SEC23IP: variants seen among roughly 807,000 people sequenced by gnomAD.
The protein encoded by SEC23IP is SEC23 interacting protein.
Under a neutral mutation model 113.4 loss-of-function variants are expected in SEC23IP, and 70 were observed. The observed-to-expected ratio is 0.62, with a 90% CI of 0.51 to 0.75. The LOEUF (loss-of-function observed/expected upper bound fraction) is 0.75, where lower values mean the gene tolerates loss of function less well. Among genes scored for constraint, SEC23IP ranks in the 30% least tolerant of loss-of-function variants. The pLI is 0.00. For missense variants in SEC23IP, 1,160 were observed against 1,204.9 expected (o/e 0.96, Z 0.55); for synonymous variants, 398 against 421.0 (o/e 0.95, Z 0.67).
At chr10:119,906,609 A>ACT (rs138250924) in intron 4 of SEC23IP, among the ~76,000 whole-genome samples, 8,275 of 152,090 alleles carry the variant, frequency 0.054, 406 homozygotes, top group South Asian at 0.25. Context: ...ACAGGATCTC[A>ACT]CTGTCCCCCA....
intron 10 of SEC23IP, 87 bp downstream of exon 10, chr10:119,918,598 T>TTTTGTTTG (rs112954131): frequency 0.083 from 61,213 of 734,266 alleles, 3,619 homozygotes; most frequent in South Asian, 0.15. Context: ...TTCTTGAAAC[T>TTTTGTTTG]TTTGTTTGTT....
chr10:119,911,311 A>G (rs972275600), intron 5 of SEC23IP, among the ~76,000 whole-genome samples: 1 of 149,880 alleles, frequency 6.7e-6, no homozygotes, highest in Non-Finnish European at 1.5e-5. Flanking sequence ...TTTTGTAGAG[A>G]CAGGGTCTCT....
intron 13 of SEC23IP, 123 bp downstream of exon 13, chr10:119,926,350 AT>A (rs995243319): frequency 9.5e-7 from 1 of 1,053,114 alleles, no homozygotes; most frequent in Non-Finnish European, 1.3e-6. Context: ...GAAAAAACTG[AT>A]TTTCTCTTAG....
In SEC23IP at chr10:119,918,292, CAT is replaced by C. The variant is rs1468593357; in HGVS notation, c.1754-100_1754-99del. The C allele has an allele frequency of 8.0e-6, 6 of 754,664 alleles. No individual in the cohort carries two copies. In the East Asian group the frequency reaches 1.0e-4, roughly 13 times the overall value. 46.7% of individuals were successfully genotyped at this position (754,664 alleles called of 1,614,324 possible). A position where few individuals can be genotyped will look rare whatever the true frequency, so the allele number is the denominator to read the frequency against. ...TAATTAATTATCAGGTCTTGAATAA[CAT>C]GTAACTTCTGTATGACTTTTGACTA... On this transcript the variant is annotated intron_variant, in intron 9 of 18. Coordinates refer to ENST00000369075, the MANE Select transcript of SEC23IP (RefSeq NM_007190.4).
At chr10:119,931,935 TA>T (rs59278266) in intron 15 of SEC23IP, among the ~76,000 whole-genome samples, 197 bp from the exon 16 acceptor site, 48,806 of 148,416 alleles carry the variant, frequency 0.33, 8,207 homozygotes, top group East Asian at 0.55. Flanking sequence ...GTTTAGTCAT[TA>T]AAAAAAAAAG....
chr10:119,902,248 T>A (rs1157433351), intron 2 of SEC23IP, among the ~76,000 whole-genome samples: 5 of 152,010 alleles, frequency 3.3e-5, no homozygotes, highest in Non-Finnish European at 7.4e-5. Context: ...CCCAGCTACT[T>A]GGGAGGCTGA....
chr10:119,931,735 G>T (rs1187101913), intron 15 of SEC23IP, among the ~76,000 whole-genome samples: 1 of 151,838 alleles, frequency 6.6e-6, no homozygotes, highest in East Asian at 1.9e-4. Context: ...TGTATTTTTA[G>T]TAGAGACGGG....
chr10:119,908,028 A>G (rs1448601790), intron 4 of SEC23IP, among the ~76,000 whole-genome samples: 1 of 152,226 alleles, frequency 6.6e-6, no homozygotes, highest in Admixed American at 6.5e-5. Context: ...TAAGTAATCT[A>G]GAGAAGATTT....
Position 119,912,084 on chromosome 10 carries a change from G to A in SEC23IP, c.1232G>A (p.Trp411Ter), listed in dbSNP as rs1264778287. 8.1e-6 allele frequency: 13 copies of A among 1,614,000 alleles called. No individual in the cohort carries two copies. The highest frequency in any genetic ancestry group is 1.3e-5 in the African/African-American group (1 of 75,018). Residue 411 changes from tryptophan to a stop codon, truncating the protein, a stop_gained, in exon 6 of 19, where the codon TGG becomes TAG. Transcript: ENST00000369075. LOFTEE classifies it high-confidence loss of function. ...CAGCCCTCCTCAGTGCCAGATGAAT[G>A]GGGCACCACGCAAGATGGACAGACA... The part of the protein sequence containing the change: ...QFQPSSVPDE[W>*]GTTQDGQTRP...
intron 2 of SEC23IP, 30 bp downstream of exon 2, chr10:119,898,989 A>G: frequency 6.7e-7 from 1 of 1,489,956 alleles, no homozygotes; most frequent in Non-Finnish European, 9.0e-7. Context: ...TGTCCTACTT[A>G]TTCACTCTGT....
At chr10:119,930,245 C>A in intron 14 of SEC23IP, 84 bp from the exon 15 acceptor site, 4 of 651,394 alleles carry the variant, frequency 6.1e-6, no homozygotes, top group Non-Finnish European at 1.0e-5. Flanking sequence ...GCCATGTATC[C>A]ATTTTCTTAC....
intron 4 of SEC23IP, among the ~76,000 whole-genome samples, chr10:119,908,569 G>A (rs1854755935): frequency 6.6e-6 from 1 of 152,192 alleles, no homozygotes; most frequent in Non-Finnish European, 1.5e-5. Context: ...TATGATGATG[G>A]AGGCAAAGGC....
chr10:119,919,330 TA>T, intron 10 of SEC23IP, 113 bp from the exon 11 acceptor site: 1 of 1,006,392 alleles, frequency 9.9e-7, no homozygotes, highest in Non-Finnish European at 1.4e-6. Flanking sequence ...GTACTGTGCC[TA>T]AAATTATGAT....
At chr10:119,893,838 A>G (rs1854184955) in intron 1 of SEC23IP, among the ~76,000 whole-genome samples, 1 of 152,146 alleles carries the variant, frequency 6.6e-6, no homozygotes, top group African/African-American at 2.4e-5. Flanking sequence ...AAGACAATAC[A>G]TCACTTCTTC....
At position 119,898,754 on chromosome 10, in the gene SEC23IP, C is replaced by T; in HGVS notation, c.491C>T (p.Pro164Leu). The T allele has an allele frequency of 6.2e-7, 1 of 1,614,192 alleles. No individual in the cohort carries two copies. Among genetic ancestry groups the T allele is most frequent in the South Asian group, 1.1e-5 (1 of 91,086 alleles). The change falls in exon 2 of 19, where the codon CCT becomes CTT. Residue 164 changes from proline (P) to leucine (L), a missense_variant. By Grantham distance (98) the Pro-to-Leu change is moderately conservative. Transcript: ENST00000369075. ...SYLPSQPSSLPPSYFGNQPQG... is the reference protein window; with the variant it reads ...SYLPSQPSSLLPSYFGNQPQG... Reference sequence around the variant, plus strand: ...CTGCCTTCTCAGCCAAGTAGTCTCCCTCCTTCATATTTTGGGAACCAACCC... The same window carrying T: ...CTGCCTTCTCAGCCAAGTAGTCTCCTTCCTTCATATTTTGGGAACCAACCC...
At position 119,930,389 on chromosome 10, in the gene SEC23IP, G is replaced by A. The variant is rs1855560129; in HGVS notation, c.2530G>A (p.Val844Ile). ...MIVPDLDLKA[V>I]LIPHHKGRKR... ...TGTTCCAGATTTGGACCTAAAAGCT[G>A]TTCTCATTCCACATCACAAAGGCAG... is the stretch of plus-strand genomic sequence containing the variant. The change falls in exon 15 of 19, where the codon GTT becomes ATT. Residue 844 changes from valine (V) to isoleucine (I), a missense_variant. Transcript: ENST00000369075. 6.2e-7 allele frequency: 1 copy of A among 1,612,234 alleles called. No individual in the cohort carries two copies. Among genetic ancestry groups the A allele is most frequent in the Admixed American group, 1.7e-5 (1 of 59,974 alleles).
chr10:119,925,615 C>G (rs1388563422), intron 12 of SEC23IP, among the ~76,000 whole-genome samples: 1 of 152,076 alleles, frequency 6.6e-6, no homozygotes, highest in Non-Finnish European at 1.5e-5. Flanking sequence ...GATCACAGAT[C>G]ACTGCAGCCT....
intron 3 of SEC23IP, 104 bp downstream of exon 3, chr10:119,903,113 TA>T (rs1854552144): frequency 1.1e-6 from 1 of 929,970 alleles, no homozygotes; most frequent in Non-Finnish European, 1.6e-6. Context: ...CCTTAATCCT[TA>T]TAGACCCCAG....
rs1855128290 is a variant in SEC23IP at position 119,918,468 on chromosome 10, T to C, written c.1829T>C (p.Val610Ala). ...TCAAAGTGCCCTGGACCTCTTGCTGTTGCTAATGGAGTTGTGAAGCAGCTA... is the reference window on the plus strand; with the variant it reads ...TCAAAGTGCCCTGGACCTCTTGCTGCTGCTAATGGAGTTGTGAAGCAGCTA... The part of the protein sequence containing the change: ...NLSKCPGPLA[V>A]ANGVVKQLHF... The change falls in exon 10 of 19, where the codon GTT becomes GCT. Residue 610 changes from valine (V) to alanine (A), a missense_variant. Coordinates refer to ENST00000369075, the MANE Select transcript of SEC23IP (RefSeq NM_007190.4). 6.2e-7 allele frequency: 1 copy of C among 1,613,778 alleles called. No individual in the cohort carries two copies. Among genetic ancestry groups the C allele is most frequent in the African/African-American group, 1.3e-5 (1 of 75,046 alleles).
Sources: gnomAD v4.1 joint callset for allele counts (sites outside exome capture counted in the v4.1 genomes callset) on GRCh38, gnomAD v4.1.1 for gene constraint, MANE v1.5 for transcripts, NCBI Gene and HGNC (gene_info 2026-07-23, HGNC 2026-07-21) for gene names.